Variants in IPO7 observed in about 807,000 individuals in gnomAD.
IPO7 encodes importin 7.
IPO7 carries 13 observed loss-of-function variants against 136.4 expected under a neutral mutation model. The ratio of observed to expected loss-of-function variants is 0.10; its 90% confidence interval spans 0.06 to 0.15. The LOEUF is 0.15. IPO7 is among the 10% of genes least tolerant of loss of function. IPO7 has a pLI of 1.00. For synonymous variants in IPO7, 403 were observed against 404.4 expected, an observed-to-expected ratio of 1.00 and a Z score of 0.04; for missense variants, 857 against 1,240.6, an observed-to-expected ratio of 0.69 and a Z score of 4.65.
Position 9,408,612 on chromosome 11 carries a change from C to G in IPO7, c.293C>G (p.Ala98Gly). ...RHCIRENIVEAIIHSPELIRV... is the reference protein window; with the variant it reads ...RHCIRENIVEGIIHSPELIRV... ...TGTATTCGAGAAAATATTGTAGAAGCCATTATCCATTCTCCTGAGCTCATC... is the reference window on the plus strand; with the variant it reads ...TGTATTCGAGAAAATATTGTAGAAGGCATTATCCATTCTCCTGAGCTCATC... The change falls in exon 3 of 25, where the codon GCC (alanine) becomes GGC (glycine). Residue 98 changes from alanine to glycine, a missense_variant. This residue lies in a region of IPO7 where 287 missense variants were observed against 307.5 expected (regional missense o/e 0.93). Transcript: ENST00000379719. 2 of 1,607,940 alleles carry G rather than the reference C, an allele frequency of 1.2e-6. No individual in the cohort carries two copies. The highest frequency in any genetic ancestry group is 1.1e-5 in the South Asian group (1 of 90,058).
chr11:9,404,078 A>T (rs1488947377), intron 2 of IPO7, among the ~76,000 whole-genome samples: 1 of 152,242 alleles, frequency 6.6e-6, no homozygotes. Context: ...GTTATGGGAA[A>T]TACAAAGTAC....
chr11:9,408,472 G>T lies in IPO7; in HGVS notation c.167-14G>T, dbSNP rs1014296303. 10 of 1,470,168 alleles carry T rather than the reference G, an allele frequency of 6.8e-6. No homozygotes were observed. Among genetic ancestry groups the T allele is most frequent in the Non-Finnish European group, 8.1e-6 (9 of 1,104,368 alleles). The allele number at this position is 1,470,168 out of a possible 1,614,324, so 91.1% of individuals were successfully genotyped here. A position where few individuals can be genotyped will look rare whatever the true frequency, so the allele number is the denominator to read the frequency against. On this transcript the variant is annotated splice_polypyrimidine_tract_variant and intron_variant, in intron 2 of 24. Transcript: ENST00000379719. ...ACAGTAAACATTCTTTTGTCAAACTGATCTGTATTTTAGGTGTTATCTATC... is the reference window on the plus strand; with the variant it reads ...ACAGTAAACATTCTTTTGTCAAACTTATCTGTATTTTAGGTGTTATCTATC...
At chr11:9,419,766 G>A (rs1333818923) in intron 6 of IPO7, among the ~76,000 whole-genome samples, 7 of 151,520 alleles carry the variant, frequency 4.6e-5, no homozygotes, top group East Asian at 1.9e-4. Flanking sequence ...AAATCGTTGC[G>A]CATTTATACT....
intron 1 of IPO7, among the ~76,000 whole-genome samples, chr11:9,393,816 T>C (rs1333536414): frequency 1.3e-5 from 2 of 152,198 alleles, no homozygotes; most frequent in African/African-American, 4.8e-5. Context: ...TTAAACAAAC[T>C]GAAGACTTTC....
chr11:9,385,485 G>T (rs1423498025), intron 1 of IPO7, among the ~76,000 whole-genome samples: 3 of 152,222 alleles, frequency 2.0e-5, no homozygotes, highest in Non-Finnish European at 2.9e-5. Flanking sequence ...TAATGCTTCA[G>T]TCGGGGAGCT....
At chr11:9,430,657 C>T (rs920470874) in intron 15 of IPO7, 3 of 472,508 alleles carry the variant, frequency 6.3e-6, no homozygotes, top group Non-Finnish European at 1.1e-5. Context: ...AAGTGGCATG[C>T]AGAAAAGGTC....
chr11:9,422,466 C>T (rs1855147670), intron 8 of IPO7, among the ~76,000 whole-genome samples: 1 of 151,816 alleles, frequency 6.6e-6, no homozygotes, highest in South Asian at 2.1e-4. Context: ...CTAGTAGATC[C>T]TCTGAAATAG....
intron 12 of IPO7, among the ~76,000 whole-genome samples, chr11:9,426,256 A>G (rs969566743): frequency 3.3e-5 from 5 of 152,186 alleles, no homozygotes; most frequent in African/African-American, 1.2e-4. Context: ...GACATTTTAT[A>G]TAAATGGAAT....
chr11:9,389,798 T>C (rs1189614441), intron 1 of IPO7, among the ~76,000 whole-genome samples: 1 of 152,136 alleles, frequency 6.6e-6, no homozygotes, highest in Non-Finnish European at 1.5e-5. Context: ...TTCGCTCTTT[T>C]TGCCCAGGCT....
At chr11:9,401,398 T>C (rs1854793759) in intron 1 of IPO7, among the ~76,000 whole-genome samples, 1 of 151,920 alleles carries the variant, frequency 6.6e-6, no homozygotes, top group Non-Finnish European at 1.5e-5. Flanking sequence ...TTCAGTTCTT[T>C]AAATGAGAAG....
At chr11:9,432,157 G>A (rs920141836) in intron 16 of IPO7, among the ~76,000 whole-genome samples, 1 of 147,312 alleles carries the variant, frequency 6.8e-6, no homozygotes, top group Non-Finnish European at 1.5e-5. Context: ...TAAATTACAT[G>A]TTTTCTGCAA....
At chr11:9,429,998 A>T (rs1004848039) in intron 15 of IPO7, among the ~76,000 whole-genome samples, 164 bp downstream of exon 15, 1 of 151,874 alleles carries the variant, frequency 6.6e-6, no homozygotes, top group Non-Finnish European at 1.5e-5. Context: ...TCCGGGGGAG[A>T]TGGCTTTGGG....
intron 22 of IPO7, 116 bp downstream of exon 22, chr11:9,438,401 T>G (rs1590453950): frequency 1.5e-6 from 1 of 670,748 alleles, no homozygotes; most frequent in Non-Finnish European, 2.6e-6. Flanking sequence ...CTGAGGCAGG[T>G]GGATCACACG....
At chr11:9,415,291 C>T (rs1255541903) in intron 5 of IPO7, among the ~76,000 whole-genome samples, 1 of 151,186 alleles carries the variant, frequency 6.6e-6, no homozygotes, top group Non-Finnish European at 1.5e-5. Context: ...CATTGCACTC[C>T]AGCCTGGGCA....
At chr11:9,402,173 G>A (rs942414077) in intron 1 of IPO7, among the ~76,000 whole-genome samples, 2 of 152,024 alleles carry the variant, frequency 1.3e-5, no homozygotes, top group Admixed American at 6.6e-5. Context: ...AGGCCAAGGC[G>A]GGCAGATCAC....
chr11:9,429,129 T>C lies in IPO7; in HGVS notation c.1524T>C (p.Asp508=). 1 of 1,613,928 alleles carries C rather than the reference T, an allele frequency of 6.2e-7. No individual in the cohort carries two copies. The highest frequency in any genetic ancestry group is 8.5e-7 in the Non-Finnish European group (1 of 1,179,800). The part of the protein sequence containing the change: ...LELTRRCLID[D]REMPVKVEAA... ...TAACAAGAAGATGTCTGATTGATGA[T>C]AGAGAAATGCCTGTGAAAGTGGAAG... The change falls in exon 14 of 25, where the codon GAT becomes GAC. Residue 508 remains aspartate (D), a synonymous_variant. Coordinates refer to ENST00000379719, the MANE Select transcript of IPO7 (RefSeq NM_006391.3).
chr11:9,417,224 C>T, intron 6 of IPO7, 76 bp downstream of exon 6: 2 of 625,002 alleles, frequency 3.2e-6, no homozygotes, highest in South Asian at 2.4e-5. Flanking sequence ...ACTGGTGTTT[C>T]CTGTAACATT....
In IPO7 at chr11:9,392,946, CA is replaced by C. The variant is rs34911529; in HGVS notation, c.84+8118del. Among the ~76,000 whole-genome samples, 815 of 100,246 alleles carry C rather than the reference CA, an allele frequency of 8.1e-3. 6 individuals are homozygous for C. Among genetic ancestry groups the C allele is most frequent in the African/African-American group, 0.023 (648 of 28,434 alleles). 65.8% of individuals were successfully genotyped at this position (100,246 alleles called of 152,430 possible). A position where few individuals can be genotyped will look rare whatever the true frequency, so the allele number is the denominator to read the frequency against. ...CCTGGGCGACAGCAAGACTCTGTCTCAAAAAAAAAAAAAAAAAAAGTTACGG... is the reference window on the plus strand; with the variant it reads ...CCTGGGCGACAGCAAGACTCTGTCTCAAAAAAAAAAAAAAAAAAGTTACGG... On this transcript the variant is annotated intron_variant, in intron 1 of 24. Coordinates refer to ENST00000379719, the MANE Select transcript of IPO7 (RefSeq NM_006391.3).
intron 8 of IPO7, among the ~76,000 whole-genome samples, chr11:9,422,673 T>C (rs1288156787): frequency 2.0e-5 from 3 of 151,948 alleles, no homozygotes; most frequent in Admixed American, 6.6e-5. Context: ...ATGGGTTAGG[T>C]GTGGTGACTT....
Sources: gnomAD v4.1 joint callset for allele counts (sites outside exome capture counted in the v4.1 genomes callset) on GRCh38, gnomAD v4.1.1 for gene constraint, gnomAD v4.1.1 regional missense constraint, MANE v1.5 for transcripts, NCBI Gene and HGNC (gene_info 2026-07-23, HGNC 2026-07-21) for gene names.